Variants in ACACA observed in about 807,000 individuals in gnomAD.
ACACA encodes acetyl-CoA carboxylase alpha, also known as acetyl-CoA carboxylase 1.
ACACA carries 103 observed loss-of-function variants against 296.1 expected under a neutral mutation model. The ratio of observed to expected loss-of-function variants is 0.35; its 90% confidence interval spans 0.30 to 0.41. ACACA has a LOEUF of 0.41. Among genes scored for constraint, ACACA ranks in the 10% least tolerant of loss-of-function variants. The probability of loss-of-function intolerance (pLI) is 1.00; values close to 1 mark genes in which losing one functional copy is unlikely to be tolerated. For synonymous variants in ACACA, 953 were observed against 1,038.6 expected, an observed-to-expected ratio of 0.92 and a Z score of 1.58; for missense variants, 1,554 against 2,989.7, an observed-to-expected ratio of 0.52 and a Z score of 11.20.
At chr17:37,314,567 C>T (rs1380745781) in intron 3 of ACACA, among the ~76,000 whole-genome samples, 2 of 151,464 alleles carry the variant, frequency 1.3e-5, no homozygotes, top group Non-Finnish European at 2.9e-5. Context: ...ATTAGAATAA[C>T]GATTCCTGGG....
At chr17:37,373,826 C>T (rs2049895438) in intron 1 of ACACA, among the ~76,000 whole-genome samples, 1 of 152,094 alleles carries the variant, frequency 6.6e-6, no homozygotes, top group African/African-American at 2.4e-5. Flanking sequence ...CTCAGGGGAG[C>T]AGAGAATCAT....
At chr17:37,253,694 C>A (rs997258654) in intron 14 of ACACA, among the ~76,000 whole-genome samples, 1 of 152,144 alleles carries the variant, frequency 6.6e-6, no homozygotes, top group Non-Finnish European at 1.5e-5. Context: ...TTATTCCATT[C>A]ATTTGTTGTT....
chr17:37,129,729 A>G (rs2074999663), intron 46 of ACACA, among the ~76,000 whole-genome samples: 1 of 152,164 alleles, frequency 6.6e-6, no homozygotes, highest in Non-Finnish European at 1.5e-5. Flanking sequence ...CAGTGTGCCC[A>G]TGCTTTCTGG....
At chr17:37,223,691 C>T in intron 27 of ACACA, 90 bp from the exon 28 acceptor site, 1 of 991,606 alleles carries the variant, frequency 1.0e-6, no homozygotes, top group Non-Finnish European at 1.6e-6. Flanking sequence ...TTTAGTGAAA[C>T]CTAAGAATTT....
At chr17:37,370,592 C>T (rs1200504788) in intron 1 of ACACA, among the ~76,000 whole-genome samples, 9 of 150,216 alleles carry the variant, frequency 6.0e-5, no homozygotes, top group Admixed American at 1.3e-4. Flanking sequence ...GGGAGGTGGA[C>T]GTTGCAGTGA....
intron 41 of ACACA, among the ~76,000 whole-genome samples, chr17:37,174,046 C>A (rs7216802): frequency 0.33 from 15,486 of 47,090 alleles, 3,802 homozygotes; most frequent in African/African-American, 0.68. Context: ...TTTTTTGTAG[C>A]GATAGGGTTT....
intron 54 of ACACA, among the ~76,000 whole-genome samples, chr17:37,089,685 A>G (rs764486789): frequency 3.3e-5 from 5 of 152,138 alleles, no homozygotes; most frequent in African/African-American, 4.8e-5. Context: ...TTTATTACCT[A>G]TGAGAGTATT....
intron 32 of ACACA, 40 bp downstream of exon 32, chr17:37,206,743 C>T: frequency 6.7e-7 from 1 of 1,484,606 alleles, no homozygotes; most frequent in Non-Finnish European, 9.4e-7. Context: ...AGTCCCATGT[C>T]TGAGGGGAAC....
At chr17:37,353,373 G>A (rs1008733757) in intron 1 of ACACA, among the ~76,000 whole-genome samples, 3 of 152,062 alleles carry the variant, frequency 2.0e-5, no homozygotes, top group African/African-American at 7.2e-5. Context: ...GGGCACGGTG[G>A]CTCACAACTG....
chr17:37,192,075 A>G lies in ACACA; in HGVS notation c.4416+15T>C, dbSNP rs2077782569. ...TTCCCTCAGGGATAACATCCCATTA[A>G]AGTACAGCACCCACCTTGGTGACCA... On this transcript the variant is annotated intron_variant, in intron 37 of 55. Coordinates refer to ENST00000616317, the MANE Select transcript of ACACA (RefSeq NM_198834.3). The G allele has an allele frequency of 3.1e-6, 5 of 1,613,408 alleles. No homozygotes were observed. The highest frequency in any genetic ancestry group is 4.2e-6 in the Non-Finnish European group (5 of 1,179,414).
rs539087914 is a variant in ACACA at position 37,358,619 on chromosome 17, C to T, written c.39-18769G>A. ...CACGTGGTCTTCTCCCTCTCCCGAG[C>T]CCAGAATCGGATTGGAGAGGGGTCT... On this transcript the variant is annotated intron_variant, in intron 1 of 55. Transcript: ENST00000616317. 7.9e-5 allele frequency among the ~76,000 whole-genome samples: 12 copies of T among 152,300 alleles called. No homozygotes were observed. In the East Asian group the frequency reaches 1.5e-3, roughly 20 times the overall value.
chr17:37,256,554 G>A (rs1414609055), intron 14 of ACACA, among the ~76,000 whole-genome samples: 2 of 152,114 alleles, frequency 1.3e-5, no homozygotes, highest in Non-Finnish European at 2.9e-5. Context: ...GCAACAAAGG[G>A]AGACCCCATC....
chr17:37,218,845 G>A (rs1438103312), intron 29 of ACACA, among the ~76,000 whole-genome samples: 2 of 152,172 alleles, frequency 1.3e-5, no homozygotes, highest in African/African-American at 4.8e-5. Context: ...AAAGTACTTG[G>A]CTCAAAACTA....
chr17:37,210,408 C>T, intron 30 of ACACA, 59 bp downstream of exon 30: 2 of 1,482,832 alleles, frequency 1.3e-6, no homozygotes, highest in African/African-American at 1.4e-5. Context: ...TTCCTGGTTT[C>T]ACTATTCTAA....
rs1173911726 is a variant in ACACA, at chr17:37,127,981, G to GC, written c.5944+1383dup. On this transcript the variant is annotated intron_variant, in intron 47 of 55. Transcript: ENST00000616317. Reference sequence around the variant, plus strand: ...GGAGGTTGCAGTGAGCCGAGATCATGCCATTGTACTCCAGCCTGGAGGACA... The same window carrying GC: ...GGAGGTTGCAGTGAGCCGAGATCATGCCCATTGTACTCCAGCCTGGAGGACA... Among the ~76,000 whole-genome samples, 5 of 118,204 alleles carry GC rather than the reference G, an allele frequency of 4.2e-5. No homozygotes were observed. In the East Asian group the frequency reaches 1.4e-3, roughly 34 times the overall value. 77.5% of individuals were successfully genotyped at this position (118,204 alleles called of 152,430 possible). A position where few individuals can be genotyped will look rare whatever the true frequency, so the allele number is the denominator to read the frequency against.
intron 41 of ACACA, among the ~76,000 whole-genome samples, chr17:37,175,714 G>C (rs1432667283): frequency 6.6e-6 from 1 of 152,178 alleles, no homozygotes; most frequent in Non-Finnish European, 1.5e-5. Flanking sequence ...AAGTAACGTA[G>C]TTCACAGATT....
chr17:37,182,581 T>G (rs2077367699), intron 39 of ACACA, among the ~76,000 whole-genome samples: 1 of 152,240 alleles, frequency 6.6e-6, no homozygotes, highest in Admixed American at 6.5e-5. Flanking sequence ...TTAATATTTA[T>G]TGAGTGCCCA....
chr17:37,253,167 C>G, intron 14 of ACACA, 131 bp from the exon 15 acceptor site: 1 of 1,297,818 alleles, frequency 7.7e-7, no homozygotes, highest in Non-Finnish European at 1.1e-6. Flanking sequence ...CAAGACAAGG[C>G]GGATCACGAA....
intron 10 of ACACA, among the ~76,000 whole-genome samples, chr17:37,266,663 T>C (rs1338436512): frequency 1.3e-5 from 2 of 152,158 alleles, no homozygotes; most frequent in African/African-American, 4.8e-5. Flanking sequence ...TTTCAACAAG[T>C]TCTGGGTCCT....
Sources: gnomAD v4.1 joint callset for allele counts (sites outside exome capture counted in the v4.1 genomes callset) on GRCh38, gnomAD v4.1.1 for gene constraint, MANE v1.5 for transcripts, NCBI Gene and HGNC (gene_info 2026-07-23, HGNC 2026-07-21) for gene names.